RCC2: variants seen among roughly 807,000 people sequenced by gnomAD.
RCC2 encodes the protein protein RCC2.
Under a neutral mutation model 64.1 loss-of-function variants are expected in RCC2, and 19 were observed. The ratio of observed to expected loss-of-function variants is 0.30; its 90% CI spans 0.21 to 0.44. The LOEUF (loss-of-function observed/expected upper bound fraction) is 0.44, where lower values mean the gene tolerates loss of function less well. Ranked by LOEUF, RCC2 falls within the 20% of genes least tolerant of loss-of-function variation. The pLI is 1.00. For synonymous variants in RCC2, 325 were observed against 279.6 expected (o/e 1.16, Z -1.62); for missense variants, 508 against 710.4 (o/e 0.72, Z 3.24).
chr1:17,437,211 TCTG>T (rs1250488065), intron 2 of RCC2, among the ~76,000 whole-genome samples: 1 of 152,224 alleles, frequency 6.6e-6, no homozygotes, highest in Non-Finnish European at 1.5e-5. Context: ...AGGAAAGCAC[TCTG>T]CTGTTAACCC....
At position 17,431,359 on chromosome 1, in the gene RCC2, AATATAT is replaced by A. The variant is rs71014951; in HGVS notation, c.286-2166_286-2161del. Among the ~76,000 whole-genome samples the A allele has an allele frequency of 2.6e-3, 118 of 44,930 alleles. 6 individuals are homozygous for A. The highest frequency in any genetic ancestry group is 0.023 in the Admixed American group (65 of 2,822). The allele number at this position is 44,930 out of a possible 152,430, so 29.5% of individuals were successfully genotyped here. The stretch of plus-strand genomic sequence containing the variant: ...AAAAAAAAAAAAAAAAAAAAAAAAA[AATATAT>A]ATATATATATATATATGTGGGCTGG... On this transcript the variant is annotated intron_variant, in intron 2 of 12. Transcript: ENST00000375436.
At chr1:17,437,745 C>T (rs865990700) in intron 2 of RCC2, among the ~76,000 whole-genome samples, 189 of 1,558 alleles carry the variant, frequency 0.12, no homozygotes, top group South Asian at 0.28. Context: ...CTCAAAGCCC[C>T]GGCGCAAACG....
In RCC2 at chr1:17,409,199, G is replaced by A. The variant is rs2075398428; in HGVS notation, c.1465-5C>T. ...GTGTGAGTAGCCCATGGCGACCTGG[G>A]GGGACAAATCAGCGTTGGGTGTGCC... On this transcript the variant is annotated splice_polypyrimidine_tract_variant and splice_region_variant and intron_variant, in intron 12 of 12. Transcript: ENST00000375436. 2 of 1,600,786 alleles carry A rather than the reference G, an allele frequency of 1.2e-6. No individual in the cohort carries two copies. The highest frequency in any genetic ancestry group is 1.7e-6 in the Non-Finnish European group (2 of 1,167,834).
chr1:17,438,322 C>T lies in RCC2; in HGVS notation c.193G>A (p.Gly65Arg), dbSNP rs553120484. The change falls in exon 2 of 13, where the codon GGG becomes AGG. Residue 65 changes from glycine (G) to arginine (R), a missense_variant. Physicochemically the swap from Gly to Arg is moderately radical, Grantham distance 125. This residue lies in a region of RCC2 where 195 missense variants were observed against 158.3 expected (regional missense o/e 1.23). Coordinates refer to ENST00000375436, the MANE Select transcript of RCC2 (RefSeq NM_018715.4). ...GCCGGCCGCGCCGCGCGCTTGCCCC[C>T]GCCGGGGGCCCCGTCGAGCTCCAGG... ...DGLELDGAPG[G>R]GKRAARPATA... 1.6e-6 allele frequency: 2 copies of T among 1,240,430 alleles called. No homozygotes were observed. The highest frequency in any genetic ancestry group is 2.0e-6 in the Non-Finnish European group (2 of 986,822). 76.8% of individuals were successfully genotyped at this position (1,240,430 alleles called of 1,614,324 possible).
At chr1:17,431,716 G>C (rs1263318595) in intron 2 of RCC2, among the ~76,000 whole-genome samples, 3 of 151,744 alleles carry the variant, frequency 2.0e-5, no homozygotes, top group Non-Finnish European at 4.4e-5. Flanking sequence ...CCAAGATATA[G>C]GTTCCGTCAC....
chr1:17,416,663 G>A lies in RCC2; in HGVS notation c.860-17C>T, dbSNP rs2075489305. On this transcript the variant is annotated splice_polypyrimidine_tract_variant and intron_variant, in intron 7 of 12. Transcript: ENST00000375436. ...AGTTGTGTCCTGTAGAGACCACAGA[G>A]CCGGCCATCAGCAGCAGCACAAGCA... 4.4e-6 allele frequency: 7 copies of A among 1,598,098 alleles called. No individual in the cohort carries two copies. Among genetic ancestry groups the A allele is most frequent in the Non-Finnish European group, 6.0e-6 (7 of 1,169,522 alleles).
chr1:17,412,303 C>T, intron 10 of RCC2, 109 bp from the exon 11 acceptor site: 6 of 926,288 alleles, frequency 6.5e-6, no homozygotes, highest in Non-Finnish European at 1.0e-5. Context: ...TTGGCGTACT[C>T]ATTCCAAGTA....
intron 4 of RCC2, among the ~76,000 whole-genome samples, chr1:17,425,198 A>C (rs928786678): frequency 3.9e-5 from 6 of 152,120 alleles, no homozygotes; most frequent in African/African-American, 1.4e-4. Flanking sequence ...GAGGAAGGAA[A>C]CTGTCTGCTG....
chr1:17,428,469 G>T (rs1469544074), intron 3 of RCC2, among the ~76,000 whole-genome samples: 1 of 152,214 alleles, frequency 6.6e-6, no homozygotes, highest in Non-Finnish European at 1.5e-5. Flanking sequence ...TTGTTCATGG[G>T]GCAAAGCAAT....
intron 11 of RCC2, among the ~76,000 whole-genome samples, 191 bp from the exon 12 acceptor site, chr1:17,410,242 C>G (rs1050046473): frequency 6.6e-6 from 1 of 152,182 alleles, no homozygotes; most frequent in Non-Finnish European, 1.5e-5. Context: ...ACAAAAGGTG[C>G]CACCAGCAGG....
At position 17,438,247 on chromosome 1, in the gene RCC2, G is replaced by A. The variant is rs770070035; in HGVS notation, c.268C>T (p.His90Tyr). Residue 90 changes from histidine to tyrosine, a missense_variant, in exon 2 of 13, where the codon CAC (histidine) becomes TAC (tyrosine). Coordinates refer to ENST00000375436, the MANE Select transcript of RCC2 (RefSeq NM_018715.4). Reference sequence around the variant, plus strand: ...TCACTCACGACGCGCTCCTTGGTGTGCTCGGGTTCGGTGATGACCACGGCC... The same window carrying A: ...TCACTCACGACGCGCTCCTTGGTGTACTCGGGTTCGGTGATGACCACGGCC... ...GAAVVITEPE[H>Y]TKERVKLEGS... is the part of the protein sequence containing the mutation. 5.3e-6 allele frequency: 7 copies of A among 1,329,552 alleles called. No homozygotes were observed. The East Asian group carries it at 1.2e-4, about 23-fold the overall frequency. 82.4% of individuals were successfully genotyped at this position (1,329,552 alleles called of 1,614,324 possible).
In RCC2 at chr1:17,409,992, A is replaced by G. The variant is rs761244162; in HGVS notation, c.1446T>C (p.Asp482=). 6.2e-7 allele frequency: 1 copy of G among 1,613,946 alleles called. No individual in the cohort carries two copies. The highest frequency in any genetic ancestry group is 1.1e-5 in the South Asian group (1 of 91,072). Residue 482 remains aspartate (D), a synonymous_variant, in exon 12 of 13, where the codon GAT becomes GAC. Transcript: ENST00000375436. The part of the protein sequence containing the change: ...STAAQEVKTL[D]GIFSEQVAMG... ...CACTCACCTGCTCTGAGAAAATGCC[A>G]TCCAGAGTCTTTACCTCCTGGGCTG...
chr1:17,417,561 T>C (rs765744883), intron 7 of RCC2, among the ~76,000 whole-genome samples: 8 of 152,056 alleles, frequency 5.3e-5, no homozygotes, highest in Non-Finnish European at 8.8e-5. Context: ...TGGGTGCCTA[T>C]AGTCCAGCTA....
At chr1:17,412,758 G>T (rs370228124) in intron 10 of RCC2, among the ~76,000 whole-genome samples, 317 of 152,336 alleles carry the variant, frequency 2.1e-3, no homozygotes, top group African/African-American at 7.5e-3. Context: ...GTCCTGCTAC[G>T]TTTCCAACTA....
At chr1:17,422,684 C>T in intron 5 of RCC2, 21 bp downstream of exon 5, 1 of 1,611,958 alleles carries the variant, frequency 6.2e-7, no homozygotes, top group African/African-American at 1.3e-5. Flanking sequence ...TGAGAGGAGA[C>T]ACCAGCAGCC....
At chr1:17,414,455 G>C (rs2075458830) in intron 8 of RCC2, among the ~76,000 whole-genome samples, 1 of 151,392 alleles carries the variant, frequency 6.6e-6, no homozygotes, top group African/African-American at 2.4e-5. Flanking sequence ...TCTTGAACCT[G>C]GGAGGCGGAG....
chr1:17,433,326 C>T (rs1455827836), intron 2 of RCC2, among the ~76,000 whole-genome samples: 2 of 152,240 alleles, frequency 1.3e-5, no homozygotes, highest in Non-Finnish European at 2.9e-5. Context: ...GAACTCCCAG[C>T]ACCCCTTCTC....
At chr1:17,422,127 G>T in intron 6 of RCC2, 76 bp downstream of exon 6, 1 of 1,040,618 alleles carries the variant, frequency 9.6e-7, no homozygotes, top group Non-Finnish European at 1.4e-6. Context: ...CTCAAACGGA[G>T]ACCCCACCTT....
In RCC2 at chr1:17,408,923, A is replaced by C; in HGVS notation, c.*167T>G. ...TTGGAAAGCATACAGAAAAAAAGGTAGTTAACGTTGGATCATGTGTAAAAC... is the reference window on the plus strand; with the variant it reads ...TTGGAAAGCATACAGAAAAAAAGGTCGTTAACGTTGGATCATGTGTAAAAC... On this transcript the variant is annotated 3_prime_UTR_variant, in exon 13 of 13. Coordinates refer to ENST00000375436, the MANE Select transcript of RCC2 (RefSeq NM_018715.4). 1.7e-6 allele frequency: 1 copy of C among 577,434 alleles called. No homozygotes were observed. 35.8% of individuals were successfully genotyped at this position (577,434 alleles called of 1,614,324 possible).
Sources: allele counts gnomAD v4.1 joint callset (sites outside exome capture counted in the v4.1 genomes callset), GRCh38; gene constraint gnomAD v4.1.1; regional missense constraint gnomAD v4.1.1; transcripts MANE v1.5; gene names NCBI Gene and HGNC (gene_info 2026-07-23, HGNC 2026-07-21).